The following RBM12 variants were observed in gnomAD, a reference collection of about 807,000 sequenced individuals.
RBM12 encodes RNA binding motif protein 12.
In RBM12, 24 loss-of-function variants were observed where a neutral mutation model predicts 37.2. The observed-to-expected ratio is 0.65, with a 90% CI of 0.47 to 0.91. The LOEUF (loss-of-function observed/expected upper bound fraction) is 0.91, where lower values mean the gene tolerates loss of function less well. Among genes scored for constraint, RBM12 ranks in the 40% least tolerant of loss-of-function variants. The pLI is 0.00. For missense variants in RBM12, 1,061 were observed against 1,183.2 expected, an observed-to-expected ratio of 0.90 and a Z score of 1.52; for synonymous variants, 420 against 425.2, an observed-to-expected ratio of 0.99 and a Z score of 0.15.
intron 1 of RBM12, among the ~76,000 whole-genome samples, chr20:35,663,029 A>G (rs529151193): frequency 2.0e-5 from 3 of 152,358 alleles, no homozygotes; most frequent in East Asian, 3.9e-4. Flanking sequence ...TCTGTCCAAT[A>G]ATATATACTA....
intron 2 of RBM12, among the ~76,000 whole-genome samples, chr20:35,656,395 G>A (rs750479767): frequency 6.6e-6 from 1 of 152,072 alleles, no homozygotes; most frequent in South Asian, 2.1e-4. Context: ...CAGTTCCAAA[G>A]GCTTCTAAGA....
intron 2 of RBM12, 82 bp downstream of exon 2, chr20:35,658,833 ACACACAATATAGTTG>A: frequency 1.5e-6 from 1 of 645,228 alleles, no homozygotes; most frequent in Non-Finnish European, 2.9e-6. Context: ...ACACACACAC[ACACACAATATAGTTG>A]CTACATATAT....
At chr20:35,663,162 T>C (rs1332416928) in intron 1 of RBM12, among the ~76,000 whole-genome samples, 1 of 152,234 alleles carries the variant, frequency 6.6e-6, no homozygotes, top group African/African-American at 2.4e-5. Context: ...TGAAAATGTC[T>C]GCACACTTTC....
At chr20:35,661,730 T>C (rs1433441370) in intron 1 of RBM12, among the ~76,000 whole-genome samples, 1 of 152,198 alleles carries the variant, frequency 6.6e-6, no homozygotes, top group African/African-American at 2.4e-5. Context: ...CAGAAAAAAA[T>C]GTCTGACAAC....
At position 35,652,667 on chromosome 20, in the gene RBM12, C is replaced by T. The variant is rs747020729; in HGVS notation, c.2656G>A (p.Val886Met). ...FYGYQVIPGSVCLKYNEKGMP... is the reference protein window; with the variant it reads ...FYGYQVIPGSMCLKYNEKGMP... The stretch of plus-strand genomic sequence containing the variant: ...CCTTTTTCATTGTATTTTAAACACA[C>T]TGAGCCTGGGATTACTTGATAGCCA... Residue 886 changes from valine (V) to methionine (M), a missense_variant, in exon 3 of 3, where the codon GTG (valine) becomes ATG (methionine). Transcript: ENST00000374114. 1 of 1,614,178 alleles carries T rather than the reference C, an allele frequency of 6.2e-7. No homozygotes were observed. The highest frequency in any genetic ancestry group is 8.5e-7 in the Non-Finnish European group (1 of 1,180,016).
At position 35,652,846 on chromosome 20, in the gene RBM12, C is replaced by T. The variant is rs773765305; in HGVS notation, c.2477G>A (p.Gly826Glu). The change falls in exon 3 of 3, where the codon GGG (glycine) becomes GAG (glutamate). Residue 826 changes from glycine (G) to glutamate (E), a missense_variant. By Grantham distance (98) the Gly-to-Glu change is moderately conservative. This residue lies in a region of RBM12 where 517 missense variants were observed against 534.0 expected (regional missense o/e 0.97). Coordinates refer to ENST00000374114, the MANE Select transcript of RBM12 (RefSeq NM_006047.6). Reference sequence around the variant, plus strand: ...GCCGGGGCCGGGGCCGGGGCCAGGCCCAAAAGCTGGTGGCCCACCCAAATG... The same window carrying T: ...GCCGGGGCCGGGGCCGGGGCCAGGCTCAAAAGCTGGTGGCCCACCCAAATG... ...PGHLGGPPAF[G>E]PGPGPGPGPG... 2.5e-6 allele frequency: 4 copies of T among 1,610,092 alleles called. No homozygotes were observed. Among genetic ancestry groups the T allele is most frequent in the Non-Finnish European group, 3.4e-6 (4 of 1,178,124 alleles).
chr20:35,658,746 T>A (rs2034052395), intron 2 of RBM12, among the ~76,000 whole-genome samples, 184 bp downstream of exon 2: 1 of 150,736 alleles, frequency 6.6e-6, no homozygotes. Flanking sequence ...GGCAACAGAG[T>A]CTAGCCTGGG....
In RBM12 at chr20:35,650,190, T is replaced by C. The variant is rs544755644; in HGVS notation, c.*2334A>G. 12 of 152,678 alleles carry C rather than the reference T, an allele frequency of 7.9e-5. No homozygotes were observed. In the South Asian group the frequency reaches 2.1e-3, roughly 26 times the overall value. The allele number at this position is 152,678 out of a possible 1,614,324, so 9.5% of individuals were successfully genotyped here. A position where few individuals can be genotyped will look rare whatever the true frequency, so the allele number is the denominator to read the frequency against. The stretch of plus-strand genomic sequence containing the variant: ...TAATTACAGTCCACAACGAGCACTG[T>C]TGTGATTCATATAAAACATAGTTCT... On this transcript the variant is annotated 3_prime_UTR_variant, in exon 3 of 3. Coordinates refer to ENST00000374114, the MANE Select transcript of RBM12 (RefSeq NM_006047.6).
chr20:35,660,854 T>G (rs1455218348), intron 1 of RBM12, among the ~76,000 whole-genome samples: 3 of 152,194 alleles, frequency 2.0e-5, no homozygotes, highest in Non-Finnish European at 4.4e-5. Context: ...AGATACCGTA[T>G]GTCTATCTTG....
chr20:35,662,357 CTTAA>C (rs1005092458), intron 1 of RBM12, among the ~76,000 whole-genome samples: 246 of 152,288 alleles, frequency 1.6e-3, no homozygotes, highest in African/African-American at 5.1e-3. Flanking sequence ...TGGCTTTAAA[CTTAA>C]TTAAATTTTG....
intron 2 of RBM12, 65 bp from the exon 3 acceptor site, chr20:35,655,409 A>T: frequency 7.4e-7 from 1 of 1,350,388 alleles, no homozygotes; most frequent in Non-Finnish European, 1.0e-6. Flanking sequence ...TTTTAGCTAC[A>T]AGAATGACCA....
At chr20:35,663,347 T>C (rs970407400) in intron 1 of RBM12, among the ~76,000 whole-genome samples, 3 of 152,226 alleles carry the variant, frequency 2.0e-5, no homozygotes, top group African/African-American at 7.2e-5. Flanking sequence ...TATACACTAG[T>C]TAACAAGGTC....
chr20:35,658,696 GT>G (rs2034049807), intron 2 of RBM12, among the ~76,000 whole-genome samples: 1 of 151,882 alleles, frequency 6.6e-6, no homozygotes, highest in South Asian at 2.1e-4. Flanking sequence ...GGAGGCGGAG[GT>G]TGCAGTGAGC....
intron 1 of RBM12, among the ~76,000 whole-genome samples, chr20:35,660,912 C>T: frequency 6.6e-6 from 1 of 152,124 alleles, no homozygotes; most frequent in East Asian, 1.9e-4. Context: ...GGGAACTCAC[C>T]AGGTCTACTC....
Position 35,652,791 on chromosome 20 carries a change from A to G in RBM12, c.2532T>C (p.Pro844=), listed in dbSNP as rs1330189617. ...GTTTTCCAGAACTAGATGCAAAGCC[A>G]GGGGGACCACCAATATGGATTGGGC... ...GPGPIHIGGP[P]GFASSSGKPG... Residue 844 remains proline (P), a synonymous_variant, in exon 3 of 3, where the codon CCT becomes CCC. Coordinates refer to ENST00000374114, the MANE Select transcript of RBM12 (RefSeq NM_006047.6). 6.2e-7 allele frequency: 1 copy of G among 1,609,778 alleles called. No homozygotes were observed. The highest frequency in any genetic ancestry group is 8.5e-7 in the Non-Finnish European group (1 of 1,177,672).
chr20:35,656,640 T>C (rs982050955), intron 2 of RBM12, among the ~76,000 whole-genome samples: 1 of 152,188 alleles, frequency 6.6e-6, no homozygotes, highest in Non-Finnish European at 1.5e-5. Flanking sequence ...GTTCAAGTAA[T>C]TCTCCTGCCT....
chr20:35,654,615 G>C lies in RBM12; in HGVS notation c.708C>G (p.Thr236=). ...GCATGCCCGACATGGGTGGCAGTGGGGTCATGGGTGGCACAGAAGGAACTG... is the reference window on the plus strand; with the variant it reads ...GCATGCCCGACATGGGTGGCAGTGGCGTCATGGGTGGCACAGAAGGAACTG... ...IPPVPSVPPM[T]PLPPMSGMPP... is the part of the protein sequence containing the mutation. The change falls in exon 3 of 3, where the codon ACC becomes ACG. Residue 236 remains threonine, a synonymous_variant. Coordinates refer to ENST00000374114, the MANE Select transcript of RBM12 (RefSeq NM_006047.6). The C allele has an allele frequency of 6.2e-7, 1 of 1,614,192 alleles. No homozygotes were observed. Among genetic ancestry groups the C allele is most frequent in the Non-Finnish European group, 8.5e-7 (1 of 1,180,026 alleles).
intron 1 of RBM12, 85 bp from the exon 2 acceptor site, chr20:35,659,099 G>A (rs950220256): frequency 9.3e-6 from 5 of 536,028 alleles, no homozygotes; most frequent in East Asian, 6.6e-5. Context: ...TTACGAAGGC[G>A]AGTCTGAAAC....
intron 1 of RBM12, among the ~76,000 whole-genome samples, chr20:35,660,139 A>G (rs1285345473): frequency 3.3e-5 from 5 of 152,374 alleles, no homozygotes; most frequent in African/African-American, 1.2e-4. Flanking sequence ...CAAATATGTA[A>G]TCAACACAAT....
Sources: allele counts gnomAD v4.1 joint callset (sites outside exome capture counted in the v4.1 genomes callset), GRCh38; gene constraint gnomAD v4.1.1; regional missense constraint gnomAD v4.1.1; transcripts MANE v1.5; gene names NCBI Gene and HGNC (gene_info 2026-07-23, HGNC 2026-07-21).